Variants in GUCY1B1 observed in about 807,000 individuals in gnomAD.
GUCY1B1 encodes the protein guanylate cyclase soluble subunit beta-1.
In GUCY1B1, 43 loss-of-function variants were observed where a neutral mutation model predicts 71.0. That is an observed-to-expected ratio of 0.61 (90% confidence interval 0.47 to 0.78). GUCY1B1 has a LOEUF of 0.78. GUCY1B1 is among the 30% of genes least tolerant of loss of function. The pLI is 0.00. For synonymous variants in GUCY1B1, 266 were observed against 259.7 expected, an observed-to-expected ratio of 1.02 and a Z score of -0.23; for missense variants, 535 against 754.1, an observed-to-expected ratio of 0.71 and a Z score of 3.40.
At chr4:155,806,171 G>C (rs998564527) in intron 13 of GUCY1B1, among the ~76,000 whole-genome samples, 14 of 152,092 alleles carry the variant, frequency 9.2e-5, no homozygotes, top group South Asian at 4.2e-4. Context: ...CATGCTTATT[G>C]ATGTTCTTCT....
In GUCY1B1 at chr4:155,802,545, T is replaced by C; in HGVS notation, c.1379T>C (p.Leu460Pro). The C allele has an allele frequency of 6.2e-7, 1 of 1,610,526 alleles. No homozygotes were observed. Among genetic ancestry groups the C allele is most frequent in the Non-Finnish European group, 8.5e-7 (1 of 1,178,206 alleles). ...LNDLYTRFDT[L>P]TDSRKNPFVY... ...GACCTCTACACCAGATTTGACACAC[T>C]GACTGATTCCCGGAAAAACCCATTT... The change falls in exon 10 of 14, where the codon CTG becomes CCG. Residue 460 changes from leucine to proline, a missense_variant. By Grantham distance (98) the Leu-to-Pro change is moderately conservative (BLOSUM62 -3). Coordinates refer to ENST00000264424, the MANE Select transcript of GUCY1B1 (RefSeq NM_000857.5). This position sits in a 1 kb window ranked among gnomAD's most constrained non-coding sequence, Gnocchi z 4.3.
chr4:155,768,456 G>GTTT (rs35462860), intron 2 of GUCY1B1, among the ~76,000 whole-genome samples: 11 of 128,612 alleles, frequency 8.6e-5, no homozygotes, highest in Non-Finnish European at 9.9e-5. Context: ...TTACTTGTTT[G>GTTT]TTTTTTTTTT....
intron 10 of GUCY1B1, 45 bp from the exon 11 acceptor site, chr4:155,803,579 T>A: frequency 1.5e-6 from 2 of 1,335,106 alleles, no homozygotes; most frequent in Admixed American, 2.9e-5. Flanking sequence ...AATGAAACAG[T>A]CTTTTTTATG....
intron 2 of GUCY1B1, among the ~76,000 whole-genome samples, chr4:155,766,352 T>G (rs1737333370): frequency 6.6e-6 from 1 of 152,180 alleles, no homozygotes; most frequent in Non-Finnish European, 1.5e-5. Context: ...CAACTTCATG[T>G]TTTGATGTAC....
chr4:155,793,729 C>T, intron 5 of GUCY1B1, 127 bp from the exon 6 acceptor site: 1 of 593,992 alleles, frequency 1.7e-6, no homozygotes, highest in Admixed American at 3.0e-5. Flanking sequence ...GGAGTATTTG[C>T]ATATATGTTT....
intron 2 of GUCY1B1, chr4:155,772,827 T>A: frequency 1.4e-6 from 1 of 698,186 alleles, no homozygotes; most frequent in South Asian, 1.5e-5. Flanking sequence ...ACAGAAAACA[T>A]GCTTTTAAAA....
At chr4:155,796,946 G>T (rs1275272114) in intron 8 of GUCY1B1, among the ~76,000 whole-genome samples, 4 of 151,768 alleles carry the variant, frequency 2.6e-5, no homozygotes, top group Non-Finnish European at 4.4e-5. Flanking sequence ...TCTCTTTCTG[G>T]GTTTGAACTA....
chr4:155,768,464 T>G, intron 2 of GUCY1B1, among the ~76,000 whole-genome samples: 1 of 151,108 alleles, frequency 6.6e-6, no homozygotes, highest in Non-Finnish European at 1.5e-5. Flanking sequence ...TTGTTTTTTT[T>G]TTTTTTTTTT....
chr4:155,759,741 A>G, intron 1 of GUCY1B1, 46 bp from the exon 2 acceptor site: 2 of 1,434,216 alleles, frequency 1.4e-6, no homozygotes, highest in Non-Finnish European at 9.8e-7. Context: ...GCCGCTTCTC[A>G]GGTACAGCGG....
intron 13 of GUCY1B1, among the ~76,000 whole-genome samples, chr4:155,806,146 T>C (rs1294512624): frequency 6.6e-6 from 1 of 152,138 alleles, no homozygotes. Context: ...TTAAATCATT[T>C]TCCTATGAGG....
chr4:155,777,514 T>C lies in GUCY1B1; in HGVS notation c.179-10T>C, dbSNP rs28480456. 2.6e-3 allele frequency: 3,783 copies of C among 1,434,658 alleles called. 77 individuals carry two copies. The African/African-American group carries it at 0.048, about 18-fold the overall frequency. The allele number at this position is 1,434,658 out of a possible 1,614,324, so 88.9% of individuals were successfully genotyped here. On this transcript the variant is annotated splice_polypyrimidine_tract_variant and intron_variant, in intron 3 of 13. Coordinates refer to ENST00000264424, the MANE Select transcript of GUCY1B1 (RefSeq NM_000857.5). Reference sequence around the variant, plus strand: ...TATGCTTTTTTTCCCCTCTTGAATTTGTAAAATAGATCTCAATGCTGGAGA... The same window carrying C: ...TATGCTTTTTTTCCCCTCTTGAATTCGTAAAATAGATCTCAATGCTGGAGA...
intron 3 of GUCY1B1, among the ~76,000 whole-genome samples, chr4:155,776,677 T>TA (rs560085367): frequency 1.3e-5 from 2 of 151,470 alleles, no homozygotes; most frequent in Admixed American, 6.6e-5. Flanking sequence ...CTCAAAAAAC[T>TA]AAAAAAAATG....
chr4:155,759,168 C>A (rs1335510762), intron 1 of GUCY1B1, 25 bp downstream of exon 1: 5 of 1,568,826 alleles, frequency 3.2e-6, no homozygotes, highest in African/African-American at 2.7e-5. Context: ...CCGGGTGCGG[C>A]CCGAACCTCA....
chr4:155,780,221 C>A (rs10017651), intron 4 of GUCY1B1, among the ~76,000 whole-genome samples: 27,041 of 152,060 alleles, frequency 0.18, 2,554 homozygotes, highest in African/African-American at 0.23. Flanking sequence ...CTCTCCCTCT[C>A]CCCCAGTCCA....
chr4:155,804,834 T>C, intron 12 of GUCY1B1, 87 bp downstream of exon 12: 1 of 1,196,896 alleles, frequency 8.4e-7, no homozygotes, highest in Non-Finnish European at 1.2e-6. Flanking sequence ...TTTTGTTGCT[T>C]TAACAGAGTT....
At chr4:155,775,134 C>A in intron 3 of GUCY1B1, 66 bp downstream of exon 3, 1 of 843,824 alleles carries the variant, frequency 1.2e-6, no homozygotes, top group South Asian at 1.3e-5. Flanking sequence ...ATGCATGGTT[C>A]AAGATCACAA....
intron 2 of GUCY1B1, among the ~76,000 whole-genome samples, chr4:155,768,355 G>A (rs553528277): frequency 6.6e-6 from 1 of 151,808 alleles, no homozygotes; most frequent in Non-Finnish European, 1.5e-5. Context: ...GGATATTTTG[G>A]ACAAATTGTA....
In GUCY1B1 at chr4:155,802,591, T is replaced by C; in HGVS notation, c.1413+12T>C. On this transcript the variant is annotated intron_variant, in intron 10 of 13. Coordinates refer to ENST00000264424, the MANE Select transcript of GUCY1B1 (RefSeq NM_000857.5). The surrounding 1 kb of genome is among the most constrained non-coding windows in gnomAD (Gnocchi z 4.3). ...CATTTGTTTATAAGGCAAGTGTTCT[T>C]TATCGCTGACTGCAGAGCTATCCAG... is the stretch of plus-strand genomic sequence containing the variant. 6.4e-7 allele frequency: 1 copy of C among 1,559,452 alleles called. No individual in the cohort carries two copies. Among genetic ancestry groups the C allele is most frequent in the Non-Finnish European group, 8.7e-7 (1 of 1,152,986 alleles).
At chr4:155,793,324 G>A (rs1399010037) in intron 5 of GUCY1B1, among the ~76,000 whole-genome samples, 5 of 152,062 alleles carry the variant, frequency 3.3e-5, no homozygotes, top group African/African-American at 7.2e-5. Flanking sequence ...TGACCTGTCC[G>A]CCCCACCCTC....
Sources: allele counts gnomAD v4.1 joint callset (sites outside exome capture counted in the v4.1 genomes callset), GRCh38; gene constraint gnomAD v4.1.1; non-coding constraint Gnocchi (gnomAD v3.1); transcripts MANE v1.5; gene names NCBI Gene and HGNC (gene_info 2026-07-23, HGNC 2026-07-21).